Variants in CPT1C observed in about 807,000 individuals in gnomAD.
CPT1C encodes the protein palmitoyl thioesterase CPT1C.
In CPT1C, 61 loss-of-function variants were observed where a neutral mutation model predicts 97.3. The observed-to-expected ratio is 0.63, with a 90% CI of 0.51 to 0.78. CPT1C has a LOEUF of 0.78. Among genes scored for constraint, CPT1C ranks in the 30% least tolerant of loss-of-function variants. The probability of loss-of-function intolerance (pLI) is 0.00; values close to 1 mark genes in which losing one functional copy is unlikely to be tolerated. For missense variants in CPT1C, 975 were observed against 1,065.5 expected, an observed-to-expected ratio of 0.92 and a Z score of 1.18; for synonymous variants, 469 against 447.2, an observed-to-expected ratio of 1.05 and a Z score of -0.61.
In CPT1C at chr19:49,697,455, C is replaced by T. The variant is rs1481457107; in HGVS notation, c.271C>T (p.Leu91=). The change falls in exon 4 of 20, where the codon CTG becomes TTG. Residue 91 remains leucine, a synonymous_variant. Coordinates refer to ENST00000598293, the MANE Select transcript of CPT1C (RefSeq NM_001199753.2). ...ACTGATGGAGAAGATCAAAGAGTTG[C>T]TGCCTGACTGGTGAGGTCCCCCCAC... ...LGLMEKIKEL[L]PDWGGQHHGL... is the part of the protein sequence containing the mutation. 1 of 1,613,878 alleles carries T rather than the reference C, an allele frequency of 6.2e-7. No homozygotes were observed. Among genetic ancestry groups the T allele is most frequent in the African/African-American group, 1.3e-5 (1 of 74,924 alleles).
Position 49,710,331 on chromosome 19 carries a change from C to T in CPT1C, c.1578C>T (p.Ser526=). ...TCCTCCTCTGGCAGATCCACTCCTC[C>T]ATCTCTCTAGCCCTGAGGGGAGCCA... ...QWDLPDQIHS[S]ISLALRGAKI... Residue 526 remains serine, a synonymous_variant, in exon 15 of 20, where the codon TCC becomes TCT. Coordinates refer to ENST00000598293, the MANE Select transcript of CPT1C (RefSeq NM_001199753.2). The T allele has an allele frequency of 6.2e-7, 1 of 1,614,088 alleles. No homozygotes were observed. Among genetic ancestry groups the T allele is most frequent in the Non-Finnish European group, 8.5e-7 (1 of 1,179,950 alleles).
chr19:49,711,528 C>T, intron 16 of CPT1C: 1 of 471,252 alleles, frequency 2.1e-6, no homozygotes, highest in Non-Finnish European at 3.8e-6. Context: ...TCTCCCTTGC[C>T]CTACACCTAG....
At chr19:49,707,407 A>C in intron 12 of CPT1C, 111 bp from the exon 13 acceptor site, 2 of 760,558 alleles carry the variant, frequency 2.6e-6, no homozygotes, top group Non-Finnish European at 4.6e-6. Context: ...CCAGCACCCC[A>C]ATGGATTCCC....
At position 49,700,266 on chromosome 19, in the gene CPT1C, A is replaced by AC. The variant is rs373316558; in HGVS notation, c.282-418_282-417insC. Among the ~76,000 whole-genome samples, 90 of 115,510 alleles carry AC rather than the reference A, an allele frequency of 7.8e-4. 3 individuals carry two copies. The highest frequency in any genetic ancestry group is 7.6e-3 in the South Asian group (33 of 4,366). The allele number at this position is 115,510 out of a possible 152,430, so 75.8% of individuals were successfully genotyped here. A position where few individuals can be genotyped will look rare whatever the true frequency, so the allele number is the denominator to read the frequency against. ...CATCCCAAAAACAAAACAAAACAAA[A>AC]AAAAAAACGCTGATTGCTGGACCCC... On this transcript the variant is annotated intron_variant, in intron 4 of 19. Transcript: ENST00000598293.
chr19:49,700,610 C>G, intron 4 of CPT1C, 74 bp from the exon 5 acceptor site: 2 of 1,516,814 alleles, frequency 1.3e-6, no homozygotes, highest in South Asian at 1.1e-5. Flanking sequence ...AGCGCAGGGG[C>G]TGGAGGGGGC....
rs1176150639 is a variant in CPT1C at position 49,703,564 on chromosome 19, C to CCTCT, written c.694-1143_694-1142insTCTC. Among the ~76,000 whole-genome samples the CCTCT allele has an allele frequency of 2.4e-3, 140 of 58,366 alleles. 4 individuals are homozygous for CCTCT. In the East Asian group the frequency reaches 0.041, roughly 17 times the overall value. 38.3% of individuals were successfully genotyped at this position (58,366 alleles called of 152,430 possible). A position where few individuals can be genotyped will look rare whatever the true frequency, so the allele number is the denominator to read the frequency against. On this transcript the variant is annotated intron_variant, in intron 7 of 19. Coordinates refer to ENST00000598293, the MANE Select transcript of CPT1C (RefSeq NM_001199753.2). ...CCTCCCTCCCTTTCTGTCTCTCTCT[C>CCTCT]CTCCCTCCCTCCCTCCCTCCCTCCC...
At chr19:49,693,580 C>T (rs750011950) in intron 3 of CPT1C, among the ~76,000 whole-genome samples, 2 of 152,114 alleles carry the variant, frequency 1.3e-5, no homozygotes, top group Admixed American at 6.6e-5. Flanking sequence ...ATGGGGCATC[C>T]GGTAAGGGCC....
Position 49,697,478 on chromosome 19 carries a change from C to A in CPT1C, c.281+13C>A, listed in dbSNP as rs752420995. ...TGCTGCCTGACTGGTGAGGTCCCCC[C>A]ACTCCAGCCCAGTAACCCCCAATCA... On this transcript the variant is annotated intron_variant, in intron 4 of 19. Transcript: ENST00000598293. The A allele has an allele frequency of 3.1e-6, 5 of 1,611,850 alleles. No individual in the cohort carries two copies. Among genetic ancestry groups the A allele is most frequent in the Admixed American group, 1.7e-5 (1 of 59,760 alleles).
intron 3 of CPT1C, among the ~76,000 whole-genome samples, chr19:49,695,701 C>T (rs1473738529): frequency 2.0e-5 from 3 of 149,488 alleles, no homozygotes; most frequent in African/African-American, 5.0e-5. Context: ...TCTCCTGCCT[C>T]AGCCTCCAAG....
chr19:49,693,705 C>T (rs920573223), intron 3 of CPT1C, among the ~76,000 whole-genome samples: 2 of 151,918 alleles, frequency 1.3e-5, no homozygotes, highest in African/African-American at 4.8e-5. Context: ...AGGAGGATCA[C>T]TTGAGCCCAG....
rs774808951 is a variant in CPT1C, at chr19:49,692,363, C to T, written c.111C>T (p.Arg37=). 1.9e-5 allele frequency: 31 copies of T among 1,614,024 alleles called. No homozygotes were observed. Among genetic ancestry groups the T allele is most frequent in the Non-Finnish European group, 2.5e-5 (30 of 1,180,032 alleles). The change falls in exon 3 of 20, where the codon CGC becomes CGT. Residue 37 remains arginine (R), a synonymous_variant. Coordinates refer to ENST00000598293, the MANE Select transcript of CPT1C (RefSeq NM_001199753.2). ...VLQEIYLSGL[R]SWKRHLSRFW... is the part of the protein sequence containing the mutation. ...AGGAGATCTACCTCTCTGGCCTGCG[C>T]TCCTGGAAAAGGCATCTCTCACGTT...
rs747802823 is a variant in CPT1C, at chr19:49,704,801, G to C, written c.771+14G>C. On this transcript the variant is annotated intron_variant, in intron 8 of 19. Coordinates refer to ENST00000598293, the MANE Select transcript of CPT1C (RefSeq NM_001199753.2). ...TATTACATGATGGTGAGAAGGGGAGGGGTGAGGTTCATAGGCCCCAGGTCT... is the reference window on the plus strand; with the variant it reads ...TATTACATGATGGTGAGAAGGGGAGCGGTGAGGTTCATAGGCCCCAGGTCT... 2 of 1,613,194 alleles carry C rather than the reference G, an allele frequency of 1.2e-6. No individual in the cohort carries two copies. Among genetic ancestry groups the C allele is most frequent in the South Asian group, 2.2e-5 (2 of 91,056 alleles).
intron 16 of CPT1C, 90 bp downstream of exon 16, chr19:49,710,947 T>G: frequency 7.2e-7 from 1 of 1,394,650 alleles, no homozygotes; most frequent in Non-Finnish European, 9.8e-7. Flanking sequence ...GAAGCCAGCC[T>G]CCACGAGGAG....
chr19:49,705,740 C>G (rs1011983942), intron 10 of CPT1C, among the ~76,000 whole-genome samples, 169 bp from the exon 11 acceptor site: 1 of 152,128 alleles, frequency 6.6e-6, no homozygotes, highest in Admixed American at 6.5e-5. Flanking sequence ...AGCCTGGCGA[C>G]AGAGCGAGAC....
At chr19:49,712,938 G>A (rs1187517732) in intron 18 of CPT1C, 34 bp from the exon 19 acceptor site, 1 of 1,601,784 alleles carries the variant, frequency 6.2e-7, no homozygotes, top group Non-Finnish European at 8.6e-7. Flanking sequence ...GGGGACCGGA[G>A]CTATTTTCTT....
intron 12 of CPT1C, among the ~76,000 whole-genome samples, chr19:49,707,047 G>T (rs2083539565): frequency 6.6e-6 from 1 of 152,160 alleles, no homozygotes; most frequent in Admixed American, 6.5e-5. Context: ...GGCTGAGAGG[G>T]GCGGATCACC....
chr19:49,700,029 C>T (rs1378764738), intron 4 of CPT1C, among the ~76,000 whole-genome samples: 1 of 151,630 alleles, frequency 6.6e-6, no homozygotes, highest in Non-Finnish European at 1.5e-5. Context: ...AGGCGGATCA[C>T]GAGGTCAGGA....
rs921495961 is a variant in CPT1C at position 49,710,866 on chromosome 19, A to G, written c.1866+9A>G. The G allele has an allele frequency of 9.4e-6, 15 of 1,600,430 alleles. No homozygotes were observed. Among genetic ancestry groups the G allele is most frequent in the Non-Finnish European group, 1.2e-5 (14 of 1,170,526 alleles). On this transcript the variant is annotated intron_variant, in intron 16 of 19. Transcript: ENST00000598293. ...AGGACAAAGAGAAGACGGTGGGTGC[A>G]GCCCTCGCTTGAGGCTTCAGTTATT...
intron 4 of CPT1C, among the ~76,000 whole-genome samples, chr19:49,698,595 G>A (rs998927936): frequency 5.3e-5 from 8 of 151,968 alleles, no homozygotes; most frequent in African/African-American, 1.9e-4. Flanking sequence ...CCCGGGAGGC[G>A]GAGGTTGCGG....
Sources: gnomAD v4.1 joint callset for allele counts (sites outside exome capture counted in the v4.1 genomes callset) on GRCh38, gnomAD v4.1.1 for gene constraint, MANE v1.5 for transcripts, NCBI Gene and HGNC (gene_info 2026-07-23, HGNC 2026-07-21) for gene names.